The following ACSS3 variants were observed in gnomAD, a reference collection of about 807,000 sequenced individuals.
ACSS3 encodes the protein acyl-CoA synthetase short chain family member 3.
ACSS3 carries 64 observed loss-of-function variants against 84.2 expected under a neutral mutation model. The observed-to-expected ratio is 0.76, with a 90% CI of 0.62 to 0.94. ACSS3 has a LOEUF of 0.94. Among genes scored for constraint, ACSS3 ranks in the 40% least tolerant of loss-of-function variants. The pLI is 0.00. For synonymous variants in ACSS3, 317 were observed against 310.1 expected, an observed-to-expected ratio of 1.02 and a Z score of -0.23; for missense variants, 815 against 867.6, an observed-to-expected ratio of 0.94 and a Z score of 0.76.
At chr12:81,162,848 T>C (rs960327800) in intron 7 of ACSS3, among the ~76,000 whole-genome samples, 1 of 152,016 alleles carries the variant, frequency 6.6e-6, no homozygotes, top group Non-Finnish European at 1.5e-5. Flanking sequence ...GTGCCCTGAG[T>C]GTGCACACAC....
chr12:81,182,461 T>C (rs1040995725), intron 8 of ACSS3, among the ~76,000 whole-genome samples: 9 of 152,180 alleles, frequency 5.9e-5, no homozygotes, highest in Non-Finnish European at 1.2e-4. Flanking sequence ...TATAAAACTT[T>C]CTTCTAGAGG....
chr12:81,115,645 C>T (rs1397751363), intron 2 of ACSS3, among the ~76,000 whole-genome samples: 2 of 151,954 alleles, frequency 1.3e-5, no homozygotes, highest in Non-Finnish European at 2.9e-5. Flanking sequence ...ATCTTTTGTC[C>T]ATTAATTTTT....
intron 13 of ACSS3, among the ~76,000 whole-genome samples, chr12:81,250,099 C>T (rs935370605): frequency 3.9e-5 from 6 of 151,914 alleles, no homozygotes; most frequent in Admixed American, 2.0e-4. Context: ...ACAGATGCTT[C>T]GTAGATTTTA....
intron 2 of ACSS3, among the ~76,000 whole-genome samples, chr12:81,133,928 C>A (rs1322328986): frequency 6.6e-6 from 1 of 151,878 alleles, no homozygotes; most frequent in Non-Finnish European, 1.5e-5. Flanking sequence ...GAGTACTTCC[C>A]ACAGCCCTCT....
chr12:81,131,133 C>T (rs1885469790), intron 2 of ACSS3, among the ~76,000 whole-genome samples: 1 of 152,080 alleles, frequency 6.6e-6, no homozygotes, highest in South Asian at 2.1e-4. Flanking sequence ...TCCATATGAA[C>T]ATTAAAGTAG....
At chr12:81,192,249 C>T (rs1041513502) in intron 8 of ACSS3, among the ~76,000 whole-genome samples, 1 of 151,918 alleles carries the variant, frequency 6.6e-6, no homozygotes, top group Non-Finnish European at 1.5e-5. Context: ...GACATGGTGG[C>T]GGGTGCCTGT....
intron 13 of ACSS3, among the ~76,000 whole-genome samples, chr12:81,250,910 A>T (rs570402125): frequency 3.3e-4 from 51 of 152,292 alleles, no homozygotes; most frequent in African/African-American, 1.2e-3. Context: ...TACAGTAAGT[A>T]CTAAAACATA....
chr12:81,091,144 CTG>C (rs1390456314), intron 1 of ACSS3, among the ~76,000 whole-genome samples: 2 of 151,926 alleles, frequency 1.3e-5, no homozygotes, highest in Non-Finnish European at 2.9e-5. Context: ...GGAGGGCTGA[CTG>C]TTCCTATATG....
chr12:81,256,280 A>G lies in ACSS3; in HGVS notation c.*1358A>G, dbSNP rs1414155837. On this transcript the variant is annotated 3_prime_UTR_variant, in exon 16 of 16. Coordinates refer to ENST00000548058, the MANE Select transcript of ACSS3 (RefSeq NM_024560.4). ...TCCTGGTTTTTATGTGAAATCTCTAATTTTAAAATAATAACTCATTAAAAA... is the reference window on the plus strand; with the variant it reads ...TCCTGGTTTTTATGTGAAATCTCTAGTTTTAAAATAATAACTCATTAAAAA... 2.0e-5 allele frequency: 3 copies of G among 152,170 alleles called. No homozygotes were observed. Among genetic ancestry groups the G allele is most frequent in the East Asian group, 1.9e-4 (1 of 5,192 alleles). The allele number at this position is 152,170 out of a possible 1,614,324, so 9.4% of individuals were successfully genotyped here. A position where few individuals can be genotyped will look rare whatever the true frequency, so the allele number is the denominator to read the frequency against.
intron 2 of ACSS3, among the ~76,000 whole-genome samples, chr12:81,115,878 G>A (rs536987115): frequency 6.6e-6 from 1 of 152,142 alleles, no homozygotes; most frequent in African/African-American, 2.4e-5. Context: ...AGTTTCTACT[G>A]GCCATTCTTT....
chr12:81,093,657 A>G (rs1234726044), intron 1 of ACSS3, among the ~76,000 whole-genome samples: 9 of 151,960 alleles, frequency 5.9e-5, no homozygotes, highest in African/African-American at 2.2e-4. Flanking sequence ...AAAATAATGC[A>G]AAGAGTTCAT....
intron 13 of ACSS3, among the ~76,000 whole-genome samples, chr12:81,241,261 G>A (rs1314302876): frequency 6.6e-6 from 1 of 152,018 alleles, no homozygotes; most frequent in African/African-American, 2.4e-5. Flanking sequence ...TTGGTTCCAA[G>A]TCTTTGCTAT....
At chr12:81,251,823 G>A (rs4601887) in intron 13 of ACSS3, among the ~76,000 whole-genome samples, 64,929 of 151,830 alleles carry the variant, frequency 0.43, 14,812 homozygotes, top group Non-Finnish European at 0.52. Flanking sequence ...AGCTTAGGTG[G>A]CAGAGTGAGA....
chr12:81,084,303 A>G (rs1304679023), intron 1 of ACSS3, among the ~76,000 whole-genome samples: 1 of 152,230 alleles, frequency 6.6e-6, no homozygotes, highest in African/African-American at 2.4e-5. Context: ...GGATATTGGG[A>G]AACATGGAGT....
intron 9 of ACSS3, among the ~76,000 whole-genome samples, chr12:81,209,587 G>A (rs2032502329): frequency 6.6e-6 from 1 of 152,008 alleles, no homozygotes; most frequent in Non-Finnish European, 1.5e-5. Flanking sequence ...ACCGCAAGAA[G>A]GGGTTCTTGG....
chr12:81,192,974 G>A (rs772272375), intron 8 of ACSS3, among the ~76,000 whole-genome samples: 21 of 152,144 alleles, frequency 1.4e-4, no homozygotes, highest in Admixed American at 5.2e-4. Context: ...GAGAGAGATA[G>A]AGGGTTGTAC....
At chr12:81,238,477 C>T (rs900736007) in intron 13 of ACSS3, among the ~76,000 whole-genome samples, 7 of 151,832 alleles carry the variant, frequency 4.6e-5, no homozygotes, top group South Asian at 4.2e-4. Flanking sequence ...GTAGAATTCA[C>T]CAACGAACCT....
At chr12:81,089,877 C>T (rs1881561154) in intron 1 of ACSS3, among the ~76,000 whole-genome samples, 1 of 151,930 alleles carries the variant, frequency 6.6e-6, no homozygotes, top group Admixed American at 6.6e-5. Context: ...ATACTGTAAA[C>T]AAATGCACAG....
At chr12:81,139,919 G>A (rs1008039861) in intron 4 of ACSS3, among the ~76,000 whole-genome samples, 5 of 151,998 alleles carry the variant, frequency 3.3e-5, no homozygotes, top group African/African-American at 7.2e-5. Context: ...ACAGGTGTGA[G>A]CCACCGCGCC....
Sources: gnomAD v4.1 joint callset for allele counts (sites outside exome capture counted in the v4.1 genomes callset) on GRCh38, gnomAD v4.1.1 for gene constraint, MANE v1.5 for transcripts, NCBI Gene and HGNC (gene_info 2026-07-23, HGNC 2026-07-21) for gene names.